Variants in CENPF observed in about 807,000 individuals in gnomAD.
The protein encoded by CENPF is AH antigen.
A neutral mutation model predicts 307.3 loss-of-function variants in CENPF; 214 were observed. The observed-to-expected ratio is 0.70, with a 90% CI of 0.62 to 0.78. CENPF has a LOEUF of 0.78. Among genes scored for constraint, CENPF ranks in the 30% least tolerant of loss-of-function variants. The pLI is 0.00. For synonymous variants in CENPF, 1,259 were observed against 1,270.6 expected, an observed-to-expected ratio of 0.99 and a Z score of 0.19; for missense variants, 3,401 against 3,483.9, an observed-to-expected ratio of 0.98 and a Z score of 0.60.
intron 12 of CENPF, 92 bp from the exon 13 acceptor site, chr1:214,644,465 G>C: frequency 1.7e-6 from 2 of 1,174,660 alleles, no homozygotes; most frequent in Non-Finnish European, 2.3e-6. Flanking sequence ...CAGAGGCCAC[G>C]CATCAGTTTC....
chr1:214,658,024 A>G (rs139511306), intron 18 of CENPF, among the ~76,000 whole-genome samples: 302 of 152,334 alleles, frequency 2.0e-3, no homozygotes, highest in African/African-American at 7.0e-3. Flanking sequence ...ATACAAAAAT[A>G]TTATTCCACA....
Position 214,642,327 on chromosome 1 carries a change from C to G in CENPF, c.3989C>G (p.Thr1330Arg), listed in dbSNP as rs1045216513. 5 of 1,613,432 alleles carry G rather than the reference C, an allele frequency of 3.1e-6. No homozygotes were observed. The African/African-American group carries it at 6.7e-5, about 22-fold the overall frequency. The change falls in exon 12 of 20, where the codon ACA (threonine) becomes AGA (arginine). Residue 1330 changes from threonine to arginine, a missense_variant. Thr to Arg is a moderately conservative substitution (Grantham distance 71). Coordinates refer to ENST00000366955, the MANE Select transcript of CENPF (RefSeq NM_016343.4). Reference protein sequence around the residue: ...ELNDSRSECITATRKMAEEVG... With the variant: ...ELNDSRSECIRATRKMAEEVG... ...AATGATTCAAGGTCAGAATGTATCA[C>G]AGCAACTAGGAAAATGGCAGAAGAG...
chr1:214,611,150 C>T (rs1471219165), intron 1 of CENPF, among the ~76,000 whole-genome samples: 2 of 151,992 alleles, frequency 1.3e-5, no homozygotes, highest in African/African-American at 2.4e-5. Context: ...TTAGGCTTGT[C>T]TTGGCTATTT....
chr1:214,662,884 A>T (rs1371602906), intron 19 of CENPF, among the ~76,000 whole-genome samples: 2 of 151,722 alleles, frequency 1.3e-5, no homozygotes, highest in Non-Finnish European at 2.9e-5. Context: ...GGCTCAAGCG[A>T]TCCTCTTGCC....
chr1:214,624,588 T>C (rs75494852), intron 7 of CENPF, among the ~76,000 whole-genome samples: 5 of 152,176 alleles, frequency 3.3e-5, no homozygotes, highest in Non-Finnish European at 7.4e-5. Flanking sequence ...TGTAGTGATA[T>C]TCCTTGTTCA....
At chr1:214,655,791 A>C (rs1002657296) in intron 17 of CENPF, among the ~76,000 whole-genome samples, 22 of 152,134 alleles carry the variant, frequency 1.4e-4, no homozygotes, top group African/African-American at 5.3e-4. Flanking sequence ...AGGTTTTGCC[A>C]TGTTGCCCAG....
chr1:214,609,082 C>A (rs1011016049), intron 1 of CENPF, among the ~76,000 whole-genome samples: 2 of 151,692 alleles, frequency 1.3e-5, no homozygotes. Flanking sequence ...GGAAGCCCAC[C>A]CCGGCCCGCG....
At position 214,648,727 on chromosome 1, in the gene CENPF, T is replaced by C. The variant is rs1447619180; in HGVS notation, c.7883T>C (p.Met2628Thr). 5.6e-6 allele frequency: 9 copies of C among 1,613,920 alleles called. No individual in the cohort carries two copies. The highest frequency in any genetic ancestry group is 7.6e-6 in the Non-Finnish European group (9 of 1,179,924). ...ETELQREMHE[M>T]AQKTAELQEE... is the part of the protein sequence containing the mutation. The stretch of plus-strand genomic sequence containing the variant: ...GAGCTGCAGAGGGAAATGCATGAGA[T>C]GGCACAGAAAACAGCAGAGCTGCAA... The change falls in exon 14 of 20, where the codon ATG becomes ACG. Residue 2628 changes from methionine (M) to threonine (T), a missense_variant. By Grantham distance (81) the Met-to-Thr change is moderately conservative (BLOSUM62 -1). Transcript: ENST00000366955.
chr1:214,637,901 C>G lies in CENPF; in HGVS notation c.1482C>G (p.His494Gln), dbSNP rs2070065. ...MKKENNLLKS[H>Q]SEQKAREVCH... ...AGGAAAACAACCTCCTTAAGAGTCA[C>G]TCTGAGCAAAAGGCCAGAGAAGTCT... Residue 494 changes from histidine to glutamine, a missense_variant, in exon 11 of 20, where the codon CAC becomes CAG. Transcript: ENST00000366955. 208,836 of 1,612,530 alleles carry G rather than the reference C, an allele frequency of 0.13. 25,723 individuals are homozygous for G. Among genetic ancestry groups the G allele is most frequent in the African/African-American group, 0.64 (47,554 of 74,872 alleles).
intron 10 of CENPF, among the ~76,000 whole-genome samples, chr1:214,635,793 T>G (rs1657949935): frequency 6.6e-6 from 1 of 152,154 alleles, no homozygotes; most frequent in African/African-American, 2.4e-5. Flanking sequence ...TACTATTCAT[T>G]TAAATGTCTC....
intron 1 of CENPF, chr1:214,605,514 A>G: frequency 1.7e-6 from 1 of 575,498 alleles, no homozygotes. Context: ...CCAAAAGGAA[A>G]GGAGTGCGTA....
chr1:214,653,099 T>G (rs1658534723), intron 16 of CENPF, 110 bp downstream of exon 16: 1 of 1,049,074 alleles, frequency 9.5e-7, no homozygotes, highest in Non-Finnish European at 1.5e-6. Flanking sequence ...AAATTTTTGG[T>G]AGTCAAAAAT....
chr1:214,603,784 G>A (rs1451031226), intron 1 of CENPF: 5 of 151,822 alleles, frequency 3.3e-5, no homozygotes, highest in Non-Finnish European at 7.3e-5. Context: ...TTAGTTACGC[G>A]AGCATTTCTC....
Position 214,643,216 on chromosome 1 carries a change from A to C in CENPF, c.4878A>C (p.Ala1626=). The change falls in exon 12 of 20, where the codon GCA becomes GCC. Residue 1626 remains alanine, a synonymous_variant. Transcript: ENST00000366955. ...TGGAGATGGAGTCCAAGTTGGCGGC[A>C]GAAAAGAAACAGACGGAACAACTGT... ...VTLEMESKLA[A]EKKQTEQLSL... 6.2e-7 allele frequency: 1 copy of C among 1,604,396 alleles called. No homozygotes were observed. Among genetic ancestry groups the C allele is most frequent in the Non-Finnish European group, 8.5e-7 (1 of 1,176,848 alleles).
chr1:214,660,136 C>G (rs1658752589), intron 19 of CENPF, among the ~76,000 whole-genome samples: 1 of 152,160 alleles, frequency 6.6e-6, no homozygotes, highest in Admixed American at 6.5e-5. Context: ...AACATCACAA[C>G]AACAGATTTG....
chr1:214,634,558 T>C (rs1328040914), intron 10 of CENPF, among the ~76,000 whole-genome samples: 2 of 152,232 alleles, frequency 1.3e-5, no homozygotes, highest in African/African-American at 4.8e-5. Context: ...GGCTGTATTC[T>C]TGGTTAAGTT....
rs764330736 is a variant in CENPF at position 214,641,988 on chromosome 1, T to C, written c.3650T>C (p.Leu1217Pro). ...CAGTTGGTGCAATTAGAAGCTATGC[T>C]AAGAAATAAGGAATTAAAACTTCAG... ...NAQLVQLEAM[L>P]RNKELKLQES... The change falls in exon 12 of 20, where the codon CTA becomes CCA. Residue 1217 changes from leucine (L) to proline (P), a missense_variant. Coordinates refer to ENST00000366955, the MANE Select transcript of CENPF (RefSeq NM_016343.4). 2 of 1,608,186 alleles carry C rather than the reference T, an allele frequency of 1.2e-6. No individual in the cohort carries two copies. Among genetic ancestry groups the C allele is most frequent in the Non-Finnish European group, 8.5e-7 (1 of 1,178,634 alleles).
chr1:214,605,445 T>TC, intron 1 of CENPF: 1 of 516,740 alleles, frequency 1.9e-6, no homozygotes. Flanking sequence ...CGCTTTGTTT[T>TC]TTTTTTTTTT....
chr1:214,615,037 T>C lies in CENPF; in HGVS notation c.359+9T>C. 1 of 1,579,682 alleles carries C rather than the reference T, an allele frequency of 6.3e-7. No individual in the cohort carries two copies. Among genetic ancestry groups the C allele is most frequent in the Non-Finnish European group, 8.6e-7 (1 of 1,160,538 alleles). ...GAACAGGAACTTAAAAGGTAATATTTTGGGATGGTATTTATAGGGATGATA... is the reference window on the plus strand; with the variant it reads ...GAACAGGAACTTAAAAGGTAATATTCTGGGATGGTATTTATAGGGATGATA... On this transcript the variant is annotated intron_variant, in intron 3 of 19. Transcript: ENST00000366955.
Sources: allele counts gnomAD v4.1 joint callset (sites outside exome capture counted in the v4.1 genomes callset), GRCh38; gene constraint gnomAD v4.1.1; transcripts MANE v1.5; gene names NCBI Gene and HGNC (gene_info 2026-07-23, HGNC 2026-07-21).